The following PKMYT1 variants were observed in gnomAD, a reference collection of about 807,000 sequenced individuals.
The protein encoded by PKMYT1 is protein kinase, membrane associated tyrosine/threonine 1.
Under a neutral mutation model 49.7 loss-of-function variants are expected in PKMYT1, and 35 were observed. The ratio of observed to expected loss-of-function variants is 0.70; its 90% CI spans 0.54 to 0.93. The LOEUF (loss-of-function observed/expected upper bound fraction) is 0.93, where lower values mean the gene tolerates loss of function less well. Ranked by LOEUF, PKMYT1 falls within the 40% of genes least tolerant of loss-of-function variation. The pLI, the probability that PKMYT1 is intolerant of heterozygous loss-of-function variation, is 0.00. For missense variants in PKMYT1, 677 were observed against 673.1 expected (o/e 1.01, Z -0.06); for synonymous variants, 331 against 287.6 (o/e 1.15, Z -1.53).
chr16:2,974,903 C>A, intron 4 of PKMYT1: 1 of 573,450 alleles, frequency 1.7e-6, no homozygotes, highest in African/African-American at 1.9e-5. Flanking sequence ...CCTCCCAGTG[C>A]CCTGATGGAC....
At chr16:2,973,942 G>T (rs1177260828) in intron 7 of PKMYT1, 58 bp downstream of exon 7, 2 of 1,551,128 alleles carry the variant, frequency 1.3e-6, no homozygotes, top group East Asian at 4.5e-5. Flanking sequence ...TCTCCATGGA[G>T]CCCCGGTGAT....
chr16:2,972,960 G>A lies in PKMYT1; in HGVS notation c.1493C>T (p.Pro498Leu). 6.2e-7 allele frequency: 1 copy of A among 1,605,324 alleles called. No individual in the cohort carries two copies. Among genetic ancestry groups the A allele is most frequent in the East Asian group, 2.2e-5 (1 of 44,658 alleles). The change falls in exon 9 of 9, where the codon CCA becomes CTA. Residue 498 changes from proline to leucine, a missense_variant. Pro to Leu is a moderately conservative substitution (Grantham distance 98). Coordinates refer to ENST00000262300, the MANE Select transcript of PKMYT1 (RefSeq NM_004203.5). The part of the protein sequence containing the change: ...LLSLFEDTLD[P>L]T Reference sequence around the variant, plus strand: ...AGAGGCAGAGTCTGGGGCTCAGGTTGGGTCTAGGGTGTCCTCAAACAGGCT... The same window carrying A: ...AGAGGCAGAGTCTGGGGCTCAGGTTAGGTCTAGGGTGTCCTCAAACAGGCT...
intron 1 of PKMYT1, 119 bp from the exon 2 acceptor site, chr16:2,980,031 G>T: frequency 3.5e-6 from 1 of 285,222 alleles, no homozygotes; most frequent in Non-Finnish European, 6.8e-6. Flanking sequence ...GAGGGCGGCG[G>T]CGCGGGGTTG....
Position 2,979,854 on chromosome 16 carries a change from C to T in PKMYT1, c.-197G>A. 1.6e-6 allele frequency: 1 copy of T among 621,654 alleles called. No homozygotes were observed. Among genetic ancestry groups the T allele is most frequent in the Non-Finnish European group, 2.9e-6 (1 of 349,002 alleles). The allele number at this position is 621,654 out of a possible 1,614,324, so 38.5% of individuals were successfully genotyped here. A position where few individuals can be genotyped will look rare whatever the true frequency, so the allele number is the denominator to read the frequency against. On this transcript the variant is annotated 5_prime_UTR_variant, in exon 2 of 9. Transcript: ENST00000262300. ...TCTGCTGGCCACCTTTCCCGGTAGA[C>T]GGTAAGTTCCTCCCAGGCAGGGCCG... is the stretch of plus-strand genomic sequence containing the variant.
In PKMYT1 at chr16:2,979,632, C is replaced by G; in HGVS notation, c.10+16G>C. 1 of 1,608,586 alleles carries G rather than the reference C, an allele frequency of 6.2e-7. No individual in the cohort carries two copies. The highest frequency in any genetic ancestry group is 8.5e-7 in the Non-Finnish European group (1 of 1,174,954). On this transcript the variant is annotated intron_variant, in intron 2 of 8. Transcript: ENST00000262300. ...TCTTAACCCAGTTCTCCCACCGTCC[C>G]TGCCCTACGACTTACGTTCTAGCAT...
intron 2 of PKMYT1, chr16:2,977,560 A>G (rs945088774): frequency 1.2e-6 from 1 of 858,496 alleles, no homozygotes; most frequent in Admixed American, 6.1e-5. Flanking sequence ...CCCCAGTGAA[A>G]CAGCACAACT....
At position 2,972,909 on chromosome 16, in the gene PKMYT1, GAC is replaced by G; in HGVS notation, c.*42_*43del. ...CCCAGCTTTCAAGGGCGACGGGAGA[GAC>G]ACAGGATAAAAGGTTAAAAGTGCAG... On this transcript the variant is annotated 3_prime_UTR_variant, in exon 9 of 9. Coordinates refer to ENST00000262300, the MANE Select transcript of PKMYT1 (RefSeq NM_004203.5). 6 of 1,564,664 alleles carry G rather than the reference GAC, an allele frequency of 3.8e-6. No individual in the cohort carries two copies. In the South Asian group the frequency reaches 4.7e-5, roughly 12 times the overall value.
At chr16:2,980,020 G>A in intron 1 of PKMYT1, 108 bp from the exon 2 acceptor site, 1 of 320,878 alleles carries the variant, frequency 3.1e-6, no homozygotes, top group Non-Finnish European at 5.9e-6. Context: ...ACTGTCACGG[G>A]GAGGGCGGCG....
At chr16:2,973,819 C>T (rs1277147311) in intron 7 of PKMYT1, 181 bp downstream of exon 7, 2 of 731,404 alleles carry the variant, frequency 2.7e-6, no homozygotes, top group Non-Finnish European at 2.3e-6. Context: ...AACGGCCAGT[C>T]CACATGCCCA....
rs370010108 is a variant in PKMYT1, at chr16:2,975,485, G to C, written c.706C>G (p.Pro236Ala). 48 of 1,612,796 alleles carry C rather than the reference G, an allele frequency of 3.0e-5. No individual in the cohort carries two copies. In the Middle Eastern group the frequency reaches 6.6e-4, roughly 22 times the overall value. The change falls in exon 4 of 9, where the codon CCT becomes GCT. Residue 236 changes from proline to alanine, a missense_variant. Transcript: ENST00000262300. ...SQGLVHLDVK[P>A]ANIFLGPRGR... is the part of the protein sequence containing the mutation. ...CGGGGCCCCAGGAAGATGTTGGCAG[G>C]CTTGACATCAAGGTGCACCAGGCCC...
intron 7 of PKMYT1, chr16:2,973,515 G>C: frequency 7.7e-7 from 1 of 1,298,816 alleles, no homozygotes; most frequent in South Asian, 1.3e-5. Flanking sequence ...CTGCTATCAA[G>C]TGCCCCGAGG....
intron 2 of PKMYT1, chr16:2,979,410 G>A (rs945474165): frequency 3.5e-6 from 2 of 563,768 alleles, no homozygotes; most frequent in Admixed American, 3.0e-5. Flanking sequence ...GGGGTGAGGG[G>A]AGCGATGCTA....
Position 2,976,946 on chromosome 16 carries a change from G to A in PKMYT1, c.96C>T (p.Phe32=). 2 of 1,552,076 alleles carry A rather than the reference G, an allele frequency of 1.3e-6. No homozygotes were observed. Among genetic ancestry groups the A allele is most frequent in the Non-Finnish European group, 1.7e-6 (2 of 1,146,456 alleles). Residue 32 remains phenylalanine (F), a synonymous_variant, in exon 3 of 9, where the codon TTC becomes TTT. Coordinates refer to ENST00000262300, the MANE Select transcript of PKMYT1 (RefSeq NM_004203.5). ...SGTPIPVPAY[F]RHAEPGFSLK... ...GGGAGAATCCAGGTTCTGCGTGGCG[G>A]AAGTAGGCTGGGACTGGGATGGGGG...
rs1417600355 is a variant in PKMYT1, at chr16:2,974,404, C to T, written c.993G>A (p.Glu331=). 1.9e-6 allele frequency: 3 copies of T among 1,609,292 alleles called. No homozygotes were observed. The South Asian group carries it at 3.3e-5, about 18-fold the overall frequency. The change falls in exon 6 of 9, where the codon GAG becomes GAA. Residue 331 remains glutamate (E), a synonymous_variant. Coordinates refer to ENST00000262300, the MANE Select transcript of PKMYT1 (RefSeq NM_004203.5). ...GCATCATGACAAGGACAGAACGCAG[C>T]TCGGAAGACAGACCTGCCCATGAGG... ...PPEFTAGLSS[E]LRSVLVMMLE... is the part of the protein sequence containing the mutation.
intron 7 of PKMYT1, chr16:2,973,579 G>T: frequency 1.5e-6 from 1 of 647,828 alleles, no homozygotes; most frequent in Non-Finnish European, 2.4e-6. Flanking sequence ...CCCAAGAGCT[G>T]TCTGCCCTGA....
In PKMYT1 at chr16:2,972,906, A is replaced by G; in HGVS notation, c.*47T>C. On this transcript the variant is annotated 3_prime_UTR_variant, in exon 9 of 9. Coordinates refer to ENST00000262300, the MANE Select transcript of PKMYT1 (RefSeq NM_004203.5). Reference sequence around the variant, plus strand: ...GGCCCCAGCTTTCAAGGGCGACGGGAGAGACACAGGATAAAAGGTTAAAAG... The same window carrying G: ...GGCCCCAGCTTTCAAGGGCGACGGGGGAGACACAGGATAAAAGGTTAAAAG... The G allele has an allele frequency of 2.6e-6, 4 of 1,561,964 alleles. No individual in the cohort carries two copies. The highest frequency in any genetic ancestry group is 3.5e-6 in the Non-Finnish European group (4 of 1,150,526).
rs1022052283 is a variant in PKMYT1, at chr16:2,977,298, C to T, written c.11-267G>A. On this transcript the variant is annotated intron_variant, in intron 2 of 8. Coordinates refer to ENST00000262300, the MANE Select transcript of PKMYT1 (RefSeq NM_004203.5). ...CCCGTGTTCTTGAGGGTCTTGCAGT[C>T]GGGTTAAGAGCAAGGCAGTTTGGAG... The T allele has an allele frequency of 1.2e-5, 16 of 1,298,400 alleles. No individual in the cohort carries two copies. The South Asian group carries it at 2.1e-4, about 17-fold the overall frequency. The allele number at this position is 1,298,400 out of a possible 1,614,324, so 80.4% of individuals were successfully genotyped here. A position where few individuals can be genotyped will look rare whatever the true frequency, so the allele number is the denominator to read the frequency against.
chr16:2,978,866 GTA>G (rs1335580043), intron 2 of PKMYT1, among the ~76,000 whole-genome samples: 3 of 150,874 alleles, frequency 2.0e-5, no homozygotes, highest in Admixed American at 6.6e-5. Flanking sequence ...GAGTGCAGTG[GTA>G]TGATCTCGGC....
Position 2,976,957 on chromosome 16 carries a change from G to T in PKMYT1, c.85C>A (p.Pro29Thr), listed in dbSNP as rs1301091624. ...PPLSGTPIPV[P>T]AYFRHAEPGF... ...GGTTCTGCGTGGCGGAAGTAGGCTG[G>T]GACTGGGATGGGGGTGCCACTCAGA... Residue 29 changes from proline to threonine, a missense_variant, in exon 3 of 9, where the codon CCA becomes ACA. Transcript: ENST00000262300. The T allele has an allele frequency of 6.4e-7, 1 of 1,554,862 alleles. No homozygotes were observed. Among genetic ancestry groups the T allele is most frequent in the Non-Finnish European group, 8.7e-7 (1 of 1,148,344 alleles).
Sources: allele counts gnomAD v4.1 joint callset (sites outside exome capture counted in the v4.1 genomes callset), GRCh38; gene constraint gnomAD v4.1.1; transcripts MANE v1.5; gene names NCBI Gene and HGNC (gene_info 2026-07-23, HGNC 2026-07-21).